EPHA8: variants seen among roughly 807,000 people sequenced by gnomAD.
EPHA8 encodes the protein EPH receptor A8, also known as ephrin type-A receptor 8.
EPHA8 carries 58 observed loss-of-function variants against 103.6 expected under a neutral mutation model. That is an observed-to-expected ratio of 0.56 (90% CI 0.45 to 0.70). The LOEUF (loss-of-function observed/expected upper bound fraction) is 0.70, where lower values mean the gene tolerates loss of function less well. Among genes scored for constraint, EPHA8 ranks in the 30% least tolerant of loss-of-function variants. EPHA8 has a pLI of 0.00. For synonymous variants in EPHA8, 559 were observed against 572.5 expected (o/e 0.98, Z 0.34); for missense variants, 1,304 against 1,395.2 (o/e 0.93, Z 1.04).
Position 22,576,122 on chromosome 1 carries a change from T to A in EPHA8, c.160-95T>A. On this transcript the variant is annotated intron_variant, in intron 2 of 16. Transcript: ENST00000166244. This position sits in a 1 kb window ranked among gnomAD's most constrained non-coding sequence, Gnocchi z 4.8. ...AGGAGGCCAGCTCCTTTGTCTTTTT[T>A]TTTGCCAGCGTCCCCAGCACAGAAC... is the stretch of plus-strand genomic sequence containing the variant. The A allele has an allele frequency of 7.0e-7, 1 of 1,429,040 alleles. No homozygotes were observed. The highest frequency in any genetic ancestry group is 2.3e-5 in the East Asian group (1 of 43,296). 88.5% of individuals were successfully genotyped at this position (1,429,040 alleles called of 1,614,324 possible).
At position 22,576,444 on chromosome 1, in the gene EPHA8, G is replaced by A. The variant is rs1640699112; in HGVS notation, c.387G>A (p.Ser129=). Residue 129 remains serine, a synonymous_variant, in exon 3 of 17, where the codon TCG becomes TCA. Transcript: ENST00000166244. This position sits in a 1 kb window ranked among gnomAD's most constrained non-coding sequence, Gnocchi z 4.8. The part of the protein sequence containing the change: ...KETFNLYYLE[S]DRDLGASTQE... The stretch of plus-strand genomic sequence containing the variant: ...CCTTCAACCTCTACTACCTGGAGTC[G>A]GACCGCGACCTGGGGGCCAGCACAC... The A allele has an allele frequency of 2.5e-6, 4 of 1,613,872 alleles. No individual in the cohort carries two copies. The highest frequency in any genetic ancestry group is 2.2e-5 in the East Asian group (1 of 44,888).
chr1:22,589,448 A>G lies in EPHA8; in HGVS notation c.1315+242A>G. 1 of 1,490,876 alleles carries G rather than the reference A, an allele frequency of 6.7e-7. No homozygotes were observed. The highest frequency in any genetic ancestry group is 8.9e-7 in the Non-Finnish European group (1 of 1,128,672). The allele number at this position is 1,490,876 out of a possible 1,614,324, so 92.4% of individuals were successfully genotyped here. On this transcript the variant is annotated intron_variant, in intron 5 of 16. Coordinates refer to ENST00000166244, the MANE Select transcript of EPHA8 (RefSeq NM_020526.5). This position sits in a 1 kb window ranked among gnomAD's most constrained non-coding sequence, Gnocchi z 4.3. ...CAGAGGCAGGCTAGTGTGGCCGTCG[A>G]AAGCCTAGGTTCCAGAACTTTCCCT...
In EPHA8 at chr1:22,578,639, ATGTG is replaced by A. The variant is rs915931841; in HGVS notation, c.823+1761_823+1764del. 3.5e-4 allele frequency among the ~76,000 whole-genome samples: 48 copies of A among 135,830 alleles called. No homozygotes were observed. The East Asian group carries it at 0.011, about 32-fold the overall frequency. The allele number at this position is 135,830 out of a possible 152,430, so 89.1% of individuals were successfully genotyped here. On this transcript the variant is annotated intron_variant, in intron 3 of 16. Transcript: ENST00000166244. The stretch of plus-strand genomic sequence containing the variant: ...TATGTCTGCGTGTGTGCATGTGTGT[ATGTG>A]TATGTGTGTGCATGTGAGTGTATGT...
intron 3 of EPHA8, among the ~76,000 whole-genome samples, chr1:22,578,819 A>C (rs950034607): frequency 4.1e-5 from 6 of 147,412 alleles, no homozygotes; most frequent in African/African-American, 1.3e-4. Context: ...GTATGTGTAC[A>C]TGTGCATGCC....
At chr1:22,578,631 ATGTG>A (rs1055869975) in intron 3 of EPHA8, among the ~76,000 whole-genome samples, 28 of 137,734 alleles carry the variant, frequency 2.0e-4, no homozygotes, top group African/African-American at 4.3e-4. Flanking sequence ...GCGTGTGTGC[ATGTG>A]TGTATGTGTA....
chr1:22,573,502 G>T (rs2124515974), intron 2 of EPHA8, among the ~76,000 whole-genome samples: 1 of 152,288 alleles, frequency 6.6e-6, no homozygotes, highest in South Asian at 2.1e-4. Flanking sequence ...AGTGCTTGTG[G>T]AATAAGCCCA....
intron 3 of EPHA8, among the ~76,000 whole-genome samples, chr1:22,577,924 T>G (rs1016763864): frequency 7.5e-6 from 1 of 132,970 alleles, no homozygotes; most frequent in African/African-American, 2.9e-5. Context: ...CGTGAGTGTA[T>G]GTGTGCGTGA....
chr1:22,596,468 C>T (rs866639072), intron 9 of EPHA8, among the ~76,000 whole-genome samples: 6 of 152,034 alleles, frequency 3.9e-5, no homozygotes, highest in African/African-American at 7.2e-5. Context: ...ATCCCTACTA[C>T]GGAGAGATTT....
chr1:22,565,221 A>G (rs1260691306), intron 1 of EPHA8, among the ~76,000 whole-genome samples: 1 of 152,236 alleles, frequency 6.6e-6, no homozygotes, highest in African/African-American at 2.4e-5. Context: ...GCCCACGGAA[A>G]TGCATGTGCA....
chr1:22,582,194 C>T (rs1231981868), intron 3 of EPHA8, among the ~76,000 whole-genome samples: 2 of 152,212 alleles, frequency 1.3e-5, no homozygotes, highest in African/African-American at 4.8e-5. Context: ...GGGGCCCCTG[C>T]CTGGTTTGAG....
rs3835602 is a variant in EPHA8 at position 22,591,234 on chromosome 1, AT to A, written c.1315+2036del. 1.8e-4 allele frequency among the ~76,000 whole-genome samples: 28 copies of A among 151,828 alleles called. No individual in the cohort carries two copies. The East Asian group carries it at 4.7e-3, about 25-fold the overall frequency. On this transcript the variant is annotated intron_variant, in intron 5 of 16. Coordinates refer to ENST00000166244, the MANE Select transcript of EPHA8 (RefSeq NM_020526.5). ...GCAAGACCCCATCTCTACAAAAAAA[AT>A]TTTTTTTGAGACAATGTCTCTATCT...
At chr1:22,592,211 C>T (rs1641390358) in intron 5 of EPHA8, among the ~76,000 whole-genome samples, 1 of 152,190 alleles carries the variant, frequency 6.6e-6, no homozygotes, top group Non-Finnish European at 1.5e-5. Context: ...ATTCCCCTCC[C>T]GCTCTGGGCC....
chr1:22,601,517 G>C lies in EPHA8; in HGVS notation c.2903+44G>C, dbSNP rs753925496. On this transcript the variant is annotated intron_variant, in intron 16 of 16. Transcript: ENST00000166244. ...TGGGGCCCCATGCGTGTGGGGGCAG[G>C]GGGGGGGACCCCTGCCGGGGAGGCT... The C allele has an allele frequency of 1.3e-4, 212 of 1,600,002 alleles. 1 individual carries two copies. In the Middle Eastern group the frequency reaches 2.6e-3, roughly 20 times the overall value.
chr1:22,597,907 C>T lies in EPHA8; in HGVS notation c.2116+46C>T. The T allele has an allele frequency of 6.3e-7, 1 of 1,574,854 alleles. No homozygotes were observed. The highest frequency in any genetic ancestry group is 8.6e-7 in the Non-Finnish European group (1 of 1,156,856). The stretch of plus-strand genomic sequence containing the variant: ...GCCTCCCCCTGCAGTGCCCCTCCTG[C>T]CTGGAGAGGCCTCTGGGTCCATCCC... On this transcript the variant is annotated intron_variant, in intron 11 of 16. Coordinates refer to ENST00000166244, the MANE Select transcript of EPHA8 (RefSeq NM_020526.5). This position sits in a 1 kb window ranked among gnomAD's most constrained non-coding sequence, Gnocchi z 4.6.
intron 3 of EPHA8, among the ~76,000 whole-genome samples, chr1:22,577,614 C>T (rs1486435591): frequency 6.6e-6 from 1 of 152,104 alleles, no homozygotes; most frequent in East Asian, 1.9e-4. Context: ...TGTGAGAAGA[C>T]AGGCAAGGGC....
intron 2 of EPHA8, among the ~76,000 whole-genome samples, chr1:22,570,309 C>T (rs140086880): frequency 3.1e-4 from 43 of 139,066 alleles, no homozygotes; most frequent in African/African-American, 8.5e-4. Flanking sequence ...CACACGTGTG[C>T]GTGTACACAC....
At chr1:22,571,357 C>T (rs1275229463) in intron 2 of EPHA8, among the ~76,000 whole-genome samples, 3 of 152,212 alleles carry the variant, frequency 2.0e-5, no homozygotes, top group Non-Finnish European at 2.9e-5. Context: ...CACCACACTT[C>T]ACAGGTGAGG....
intron 7 of EPHA8, among the ~76,000 whole-genome samples, chr1:22,594,585 A>G (rs557612530): frequency 6.6e-6 from 1 of 152,282 alleles, no homozygotes; most frequent in South Asian, 2.1e-4. Context: ...TCCTGCCCCA[A>G]TCTCCAGCCG....
Position 22,598,830 on chromosome 1 carries a change from C to T in EPHA8, c.2179-8C>T, listed in dbSNP as rs754554766. On this transcript the variant is annotated splice_region_variant and splice_polypyrimidine_tract_variant and intron_variant, in intron 12 of 16. Transcript: ENST00000166244. This position sits in a 1 kb window ranked among gnomAD's most constrained non-coding sequence, Gnocchi z 5.1. ...CTTTCCTGAAGTCCAAGCCATGTCC[C>T]CCTGCAGACCCACGACGGGCAGTTC... 1 of 1,611,692 alleles carries T rather than the reference C, an allele frequency of 6.2e-7. No individual in the cohort carries two copies. The highest frequency in any genetic ancestry group is 1.3e-5 in the African/African-American group (1 of 74,958).
Sources: gnomAD v4.1 joint callset for allele counts (sites outside exome capture counted in the v4.1 genomes callset) on GRCh38, gnomAD v4.1.1 for gene constraint, Gnocchi (gnomAD v3.1) non-coding constraint, MANE v1.5 for transcripts, NCBI Gene and HGNC (gene_info 2026-07-23, HGNC 2026-07-21) for gene names.